CASQ2: variants seen among roughly 807,000 people sequenced by gnomAD.
CASQ2 encodes calsequestrin-2.
Under a neutral mutation model 46.5 loss-of-function variants are expected in CASQ2, and 49 were observed. That is an observed-to-expected ratio of 1.05 (90% CI 0.84 to 1.34). CASQ2 has a LOEUF of 1.34. Ranked by LOEUF, CASQ2 falls within the 40% of genes most tolerant of loss-of-function variation. CASQ2 has a pLI of 0.00. For synonymous variants in CASQ2, 174 were observed against 168.5 expected (o/e 1.03, Z -0.25); for missense variants, 486 against 481.3 (o/e 1.01, Z -0.09).
intron 1 of CASQ2, among the ~76,000 whole-genome samples, chr1:115,761,442 GAAGAA>G (rs1399336495): frequency 1.1e-4 from 1 of 8,992 alleles, no homozygotes; most frequent in Non-Finnish European, 2.2e-4. Context: ...GAAGAAGAAA[GAAGAA>G]GAAGAAGAAG....
chr1:115,717,204 C>G (rs1319260982), intron 8 of CASQ2, among the ~76,000 whole-genome samples: 9 of 152,206 alleles, frequency 5.9e-5, no homozygotes, highest in Non-Finnish European at 1.2e-4. Context: ...AATAGAAGCT[C>G]TTTTCTTTAT....
chr1:115,731,592 G>T (rs937929698), intron 5 of CASQ2, among the ~76,000 whole-genome samples: 4 of 152,208 alleles, frequency 2.6e-5, no homozygotes, highest in African/African-American at 9.6e-5. Context: ...CTTCCTGTGT[G>T]CCAAAAACCA....
chr1:115,734,809 G>A (rs1647901955), intron 4 of CASQ2, among the ~76,000 whole-genome samples: 1 of 152,138 alleles, frequency 6.6e-6, no homozygotes, highest in East Asian at 1.9e-4. Context: ...TTAGTAACTG[G>A]GTGTGGTTGA....
At chr1:115,724,321 G>A (rs1189199050) in intron 7 of CASQ2, among the ~76,000 whole-genome samples, 1 of 152,178 alleles carries the variant, frequency 6.6e-6, no homozygotes, top group Admixed American at 6.5e-5. Flanking sequence ...TTTGTTTGGG[G>A]AGACAGAGTC....
intron 8 of CASQ2, among the ~76,000 whole-genome samples, chr1:115,706,064 TC>T (rs1477279008): frequency 6.6e-6 from 1 of 152,064 alleles, no homozygotes; most frequent in Non-Finnish European, 1.5e-5. Flanking sequence ...TCAGCACCAC[TC>T]CCCAGCCCCC....
chr1:115,720,073 C>T (rs1450840668), intron 7 of CASQ2, among the ~76,000 whole-genome samples: 1 of 152,156 alleles, frequency 6.6e-6, no homozygotes, highest in African/African-American at 2.4e-5. Flanking sequence ...AAGTGTCTTA[C>T]CTAAGGCCAC....
rs530137926 is a variant in CASQ2 at position 115,705,206 on chromosome 1, C to T, written c.925G>A (p.Asp309Asn). The T allele has an allele frequency of 6.2e-7, 1 of 1,612,392 alleles. No individual in the cohort carries two copies. Among genetic ancestry groups the T allele is most frequent in the African/African-American group, 1.3e-5 (1 of 75,030 alleles). ...GAGCCACTCACCAGAGGAAAGTCGT[C>T]CGGGTCGATCCACAGGATGCTCAGA... is the stretch of plus-strand genomic sequence containing the variant. Reference protein sequence around the residue: ...PDLSILWIDPDDFPLLVAYWE... With the variant: ...PDLSILWIDPNDFPLLVAYWE... Residue 309 changes from aspartate (D) to asparagine (N), a missense_variant, in exon 9 of 11, where the codon GAC becomes AAC. By Grantham distance (23) the Asp-to-Asn change is conservative. Coordinates refer to ENST00000261448, the MANE Select transcript of CASQ2 (RefSeq NM_001232.4).
At chr1:115,729,378 T>C (rs1472708889) in intron 5 of CASQ2, among the ~76,000 whole-genome samples, 1 of 152,148 alleles carries the variant, frequency 6.6e-6, no homozygotes, top group Non-Finnish European at 1.5e-5. Context: ...ATTATTCCTA[T>C]CTTGGATGGT....
intron 8 of CASQ2, among the ~76,000 whole-genome samples, chr1:115,710,019 C>T (rs936820055): frequency 1.3e-5 from 2 of 152,006 alleles, no homozygotes; most frequent in Admixed American, 1.3e-4. Context: ...TTTTTTATTA[C>T]TATTTGTAAA....
rs183040595 is a variant in CASQ2 at position 115,717,839 on chromosome 1, C to T, written c.838+1G>A. 2.5e-6 allele frequency: 4 copies of T among 1,606,648 alleles called. No homozygotes were observed. The highest frequency in any genetic ancestry group is 2.2e-5 in the East Asian group (1 of 44,858). ...AAAAGAGCAGGTTGAAGGTTTCCTA[C>T]CTGGATCACTCTTCTCTGCAAAGGC... On this transcript the variant is annotated splice_donor_variant, in intron 8 of 10. Coordinates refer to ENST00000261448, the MANE Select transcript of CASQ2 (RefSeq NM_001232.4). LOFTEE classifies it high-confidence loss of function.
intron 7 of CASQ2, among the ~76,000 whole-genome samples, chr1:115,724,614 A>G (rs1208087463): frequency 6.6e-6 from 1 of 152,244 alleles, no homozygotes; most frequent in Non-Finnish European, 1.5e-5. Flanking sequence ...TTTATCTCCA[A>G]GGCCCTCTAT....
intron 1 of CASQ2, among the ~76,000 whole-genome samples, chr1:115,747,941 A>T (rs1648443998): frequency 6.6e-6 from 1 of 152,040 alleles, no homozygotes; most frequent in Non-Finnish European, 1.5e-5. Context: ...TTATTTCTTT[A>T]TCTTTACTTA....
At chr1:115,709,911 C>T (rs549892521) in intron 8 of CASQ2, among the ~76,000 whole-genome samples, 10 of 152,292 alleles carry the variant, frequency 6.6e-5, no homozygotes, top group Non-Finnish European at 1.2e-4. Context: ...GGTGCAATCA[C>T]GGCTCACTGC....
chr1:115,734,177 C>T (rs989579340), intron 4 of CASQ2, among the ~76,000 whole-genome samples: 8 of 151,944 alleles, frequency 5.3e-5, no homozygotes, highest in African/African-American at 1.7e-4. Flanking sequence ...TAGCTGGGGT[C>T]GAGAATTGGG....
At chr1:115,718,520 G>A (rs1470520142) in intron 7 of CASQ2, among the ~76,000 whole-genome samples, 2 of 152,218 alleles carry the variant, frequency 1.3e-5, no homozygotes, top group African/African-American at 4.8e-5. Flanking sequence ...CCTGCCTACA[G>A]AACCCATGTA....
chr1:115,716,679 T>A (rs1042320146), intron 8 of CASQ2, among the ~76,000 whole-genome samples: 1 of 152,106 alleles, frequency 6.6e-6, no homozygotes, highest in Non-Finnish European at 1.5e-5. Context: ...CAAAAACACT[T>A]TATAAAATCA....
chr1:115,764,058 C>T (rs1649046124), intron 1 of CASQ2, among the ~76,000 whole-genome samples: 1 of 151,454 alleles, frequency 6.6e-6, no homozygotes, highest in Non-Finnish European at 1.5e-5. Context: ...TGTGTTGACA[C>T]CCCAATAGAA....
At position 115,702,858 on chromosome 1, in the gene CASQ2, C is replaced by T. The variant is rs1030650863; in HGVS notation, c.1014+63G>A. ...ACTATAGATGCTCTCACAATCTAAGCTGTGTAGCAGAAGACAGGGCAGGCC... is the reference window on the plus strand; with the variant it reads ...ACTATAGATGCTCTCACAATCTAAGTTGTGTAGCAGAAGACAGGGCAGGCC... On this transcript the variant is annotated intron_variant, in intron 10 of 10. Coordinates refer to ENST00000261448, the MANE Select transcript of CASQ2 (RefSeq NM_001232.4). 4.9e-6 allele frequency: 6 copies of T among 1,225,744 alleles called. No individual in the cohort carries two copies. In the African/African-American group the frequency reaches 8.9e-5, roughly 18 times the overall value. The allele number at this position is 1,225,744 out of a possible 1,614,324, so 75.9% of individuals were successfully genotyped here. A position where few individuals can be genotyped will look rare whatever the true frequency, so the allele number is the denominator to read the frequency against.
intron 1 of CASQ2, among the ~76,000 whole-genome samples, chr1:115,761,544 A>G (rs1648963040): frequency 6.8e-6 from 1 of 146,846 alleles, no homozygotes; most frequent in Non-Finnish European, 1.5e-5. Flanking sequence ...CATAAAGTGC[A>G]CATGAGTCTT....
Sources: gnomAD v4.1 joint callset for allele counts (sites outside exome capture counted in the v4.1 genomes callset) on GRCh38, gnomAD v4.1.1 for gene constraint, MANE v1.5 for transcripts, NCBI Gene and HGNC (gene_info 2026-07-23, HGNC 2026-07-21) for gene names.